Variants in CBLB observed in about 807,000 individuals in gnomAD.
CBLB encodes the protein Cbl proto-oncogene B.
In CBLB, 31 loss-of-function variants were observed where a neutral mutation model predicts 104.9. That is an observed-to-expected ratio of 0.30 (90% CI 0.22 to 0.40). The LOEUF is 0.40. Among genes scored for constraint, CBLB ranks in the 10% least tolerant of loss-of-function variants. The probability of loss-of-function intolerance (pLI) is 1.00; values close to 1 mark genes in which losing one functional copy is unlikely to be tolerated. For missense variants in CBLB, 1,062 were observed against 1,214.6 expected (o/e 0.87, Z 1.87); for synonymous variants, 440 against 422.6 (o/e 1.04, Z -0.51).
chr3:105,824,444 C>T (rs1024745139), intron 3 of CBLB, among the ~76,000 whole-genome samples: 5 of 152,078 alleles, frequency 3.3e-5, no homozygotes, highest in African/African-American at 1.2e-4. Context: ...AACAAATATG[C>T]ACCTGGAACC....
At chr3:105,836,836 C>T (rs2088592970) in intron 3 of CBLB, among the ~76,000 whole-genome samples, 1 of 152,048 alleles carries the variant, frequency 6.6e-6, no homozygotes, top group South Asian at 2.1e-4. Context: ...CTCTGTTTTC[C>T]TGTCAAGTCT....
intron 3 of CBLB, among the ~76,000 whole-genome samples, chr3:105,828,288 G>A (rs1281903061): frequency 2.0e-5 from 3 of 152,068 alleles, no homozygotes; most frequent in African/African-American, 7.2e-5. Flanking sequence ...TGTGAACCCA[G>A]GAAATGCTAT....
At chr3:105,684,841 A>G (rs9816486) in intron 14 of CBLB, among the ~76,000 whole-genome samples, 39,323 of 152,108 alleles carry the variant, frequency 0.26, 5,234 homozygotes, top group Admixed American at 0.27. Flanking sequence ...GTGAGCCACC[A>G]CGCCTGGCCT....
At chr3:105,730,129 C>T (rs2074149398) in intron 9 of CBLB, among the ~76,000 whole-genome samples, 1 of 151,790 alleles carries the variant, frequency 6.6e-6, no homozygotes, top group Admixed American at 6.6e-5. Flanking sequence ...GATTACTGTG[C>T]ATATTTTTTT....
intron 12 of CBLB, among the ~76,000 whole-genome samples, chr3:105,699,000 T>A (rs930678888): frequency 2.6e-5 from 4 of 152,054 alleles, no homozygotes; most frequent in African/African-American, 9.7e-5. Flanking sequence ...CTCCACCTTT[T>A]CTCTCCTGGC....
chr3:105,741,095 G>GTTTTTTTT (rs66493673), intron 6 of CBLB, among the ~76,000 whole-genome samples: 6 of 108,200 alleles, frequency 5.5e-5, no homozygotes, highest in Non-Finnish European at 5.3e-5. Context: ...AAAAATTAGG[G>GTTTTTTTT]TTTTTTTTTT....
intron 4 of CBLB, among the ~76,000 whole-genome samples, chr3:105,755,698 A>G (rs1454871541): frequency 1.3e-5 from 2 of 152,222 alleles, no homozygotes; most frequent in East Asian, 3.8e-4. Context: ...CAGCACTTCT[A>G]GAAGGCAATT....
At position 105,865,588 on chromosome 3, in the gene CBLB, G is replaced by C. The variant is rs1194162200; in HGVS notation, c.168+1822C>G. ...AACCATCTATTTTACCATAACTCATGGTGAAATAATTAAAAGTGAATAAAA... is the reference window on the plus strand; with the variant it reads ...AACCATCTATTTTACCATAACTCATCGTGAAATAATTAAAAGTGAATAAAA... On this transcript the variant is annotated intron_variant, in intron 2 of 18. Coordinates refer to ENST00000394030, the MANE Select transcript of CBLB (RefSeq NM_170662.5). 2.6e-5 allele frequency among the ~76,000 whole-genome samples: 4 copies of C among 152,110 alleles called. No homozygotes were observed. In the East Asian group the frequency reaches 5.8e-4, roughly 22 times the overall value.
At chr3:105,703,516 A>T (rs2069579507) in intron 11 of CBLB, among the ~76,000 whole-genome samples, 2 of 152,196 alleles carry the variant, frequency 1.3e-5, no homozygotes, top group Non-Finnish European at 2.9e-5. Context: ...CATTGTAATT[A>T]ATTTCTCCAG....
chr3:105,787,769 C>T (rs891670489), intron 3 of CBLB, among the ~76,000 whole-genome samples: 2 of 152,116 alleles, frequency 1.3e-5, no homozygotes, highest in Non-Finnish European at 2.9e-5. Context: ...ATTTGAAAGC[C>T]TTGACTTTTA....
At chr3:105,663,906 GA>G (rs60125170) in intron 18 of CBLB, among the ~76,000 whole-genome samples, 75 of 142,984 alleles carry the variant, frequency 5.2e-4, no homozygotes, top group African/African-American at 1.8e-3. Flanking sequence ...AGCTTATTAG[GA>G]AAAAAAAAAA....
At chr3:105,797,686 A>G (rs1419156297) in intron 3 of CBLB, among the ~76,000 whole-genome samples, 1 of 152,248 alleles carries the variant, frequency 6.6e-6, no homozygotes, top group African/African-American at 2.4e-5. Context: ...CAGTTGTCCA[A>G]TAAAATGCTT....
intron 2 of CBLB, among the ~76,000 whole-genome samples, chr3:105,856,137 G>A (rs2091570772): frequency 6.6e-6 from 1 of 152,044 alleles, no homozygotes; most frequent in Non-Finnish European, 1.5e-5. Context: ...AGATCATGAG[G>A]TCAGGAGTTC....
chr3:105,865,130 AATC>A (rs1293470439), intron 2 of CBLB, among the ~76,000 whole-genome samples: 1 of 152,192 alleles, frequency 6.6e-6, no homozygotes, highest in Non-Finnish European at 1.5e-5. Flanking sequence ...TTCCTGATGT[AATC>A]ATCAGGACAA....
At chr3:105,855,228 G>A (rs918570404) in intron 2 of CBLB, among the ~76,000 whole-genome samples, 5 of 152,170 alleles carry the variant, frequency 3.3e-5, no homozygotes, top group African/African-American at 9.7e-5. Flanking sequence ...AAGAAACAGA[G>A]AGTAGAACAG....
intron 3 of CBLB, among the ~76,000 whole-genome samples, chr3:105,808,364 G>A (rs920286228): frequency 1.3e-5 from 2 of 152,010 alleles, no homozygotes; most frequent in Non-Finnish European, 1.5e-5. Context: ...TTTCTCTAAG[G>A]ACCTGTCTGT....
At chr3:105,696,484 C>G (rs1370569419) in intron 12 of CBLB, among the ~76,000 whole-genome samples, 2 of 151,822 alleles carry the variant, frequency 1.3e-5, no homozygotes, top group African/African-American at 4.8e-5. Context: ...TTCCAGATAT[C>G]TGAAAAACCT....
intron 10 of CBLB, among the ~76,000 whole-genome samples, chr3:105,707,066 G>T (rs9288815): frequency 0.22 from 32,704 of 152,012 alleles, 3,652 homozygotes; most frequent in Admixed American, 0.26. Flanking sequence ...GTTTAAATGG[G>T]GTAAATTTGA....
At chr3:105,665,805 CG>C (rs1430849754) in intron 18 of CBLB, among the ~76,000 whole-genome samples, 1 of 151,146 alleles carries the variant, frequency 6.6e-6, no homozygotes, top group Non-Finnish European at 1.5e-5. Context: ...CCGAGGTGGG[CG>C]GATCACAAGG....
Sources: allele counts gnomAD v4.1 joint callset (sites outside exome capture counted in the v4.1 genomes callset), GRCh38; gene constraint gnomAD v4.1.1; transcripts MANE v1.5; gene names NCBI Gene and HGNC (gene_info 2026-07-23, HGNC 2026-07-21).